The following EDA variants were observed in gnomAD, a reference collection of about 807,000 sequenced individuals.
EDA encodes ectodysplasin A.
EDA carries 2 observed loss-of-function variants against 23.6 expected under a neutral mutation model. The observed-to-expected ratio is 0.08, with a 90% CI of 0.03 to 0.27. The LOEUF is 0.27. Among genes scored for constraint, EDA ranks in the 10% least tolerant of loss-of-function variants. EDA has a pLI of 1.00. For missense variants in EDA, 229 were observed against 324.2 expected (o/e 0.71, Z 2.26); for synonymous variants, 131 against 132.0 (o/e 0.99, Z 0.05).
At chrX:69,822,649 A>C (rs1333750606) in intron 1 of EDA, among the ~76,000 whole-genome samples, 1 of 111,765 alleles carries the variant, frequency 8.9e-6, no homozygotes, top group Non-Finnish European at 1.9e-5. Context: ...GGAAGATTAG[A>C]CTAAATAAGT....
intron 2 of EDA, among the ~76,000 whole-genome samples, chrX:70,004,560 T>G (rs1196959506): frequency 8.9e-6 from 1 of 112,291 alleles, no homozygotes; most frequent in African/African-American, 3.2e-5. Context: ...TATTTGCACA[T>G]TTCCTCTGTT....
chrX:69,994,740 C>T (rs931411091), intron 2 of EDA, among the ~76,000 whole-genome samples: 1 of 111,848 alleles, frequency 8.9e-6, no homozygotes, highest in African/African-American at 3.2e-5. Flanking sequence ...ACTCCTATTC[C>T]GCCTAGGTCA....
intron 2 of EDA, among the ~76,000 whole-genome samples, chrX:69,994,305 T>C (rs2019627340): frequency 8.9e-6 from 1 of 112,019 alleles, no homozygotes; most frequent in Non-Finnish European, 1.9e-5. Context: ...TTAAATAAAA[T>C]AACAATTGCA....
intron 1 of EDA, among the ~76,000 whole-genome samples, chrX:69,924,840 A>G (rs1455471462): frequency 9.0e-6 from 1 of 111,016 alleles, no homozygotes; most frequent in Admixed American, 9.6e-5. Context: ...GTGGTTTGTA[A>G]CAAGTTCTTC....
At chrX:69,695,512 CTTT>C (rs34298428) in intron 1 of EDA, among the ~76,000 whole-genome samples, 3 of 88,860 alleles carry the variant, frequency 3.4e-5, no homozygotes, top group Admixed American at 1.3e-4. Flanking sequence ...TTCCTTCTTT[CTTT>C]TTTTTTTTTT....
rs1029029466 is a variant in EDA, at chrX:69,834,838, G to T, written c.397-122189G>T. The stretch of plus-strand genomic sequence containing the variant: ...GGTCTTTACAATTTGGCATGTTTTT[G>T]CAGTGGCTGGTACCAGTTGTTCCTT... On this transcript the variant is annotated intron_variant, in intron 1 of 7. Coordinates refer to ENST00000374552, the MANE Select transcript of EDA (RefSeq NM_001399.5). 5.4e-5 allele frequency among the ~76,000 whole-genome samples: 6 copies of T among 111,610 alleles called. No individual in the cohort carries two copies. The East Asian group carries it at 1.7e-3, about 31-fold the overall frequency.
At chrX:69,710,157 T>C (rs935668623) in intron 1 of EDA, among the ~76,000 whole-genome samples, 2 of 110,827 alleles carry the variant, frequency 1.8e-5, no homozygotes, top group African/African-American at 6.5e-5. Context: ...TTAATCCATC[T>C]TGAATTGATT....
At chrX:69,838,065 C>T (rs1027897643) in intron 1 of EDA, among the ~76,000 whole-genome samples, 2 of 112,296 alleles carry the variant, frequency 1.8e-5, no homozygotes, top group African/African-American at 3.2e-5. Flanking sequence ...TCACTTTTGG[C>T]AGCCACAATC....
chrX:69,961,025 G>T (rs72628843), intron 2 of EDA, among the ~76,000 whole-genome samples: 5 of 84,069 alleles, frequency 5.9e-5, no homozygotes, highest in African/African-American at 2.2e-4. Context: ...TCCAAAAAAA[G>T]AAAAAAAAAG....
At chrX:69,737,728 A>G (rs926946452) in intron 1 of EDA, among the ~76,000 whole-genome samples, 1 of 112,059 alleles carries the variant, frequency 8.9e-6, no homozygotes, top group African/African-American at 3.2e-5. Context: ...GAAGAGCTTA[A>G]TTTAAAATTT....
At chrX:69,684,188 C>G (rs1934469977) in intron 1 of EDA, among the ~76,000 whole-genome samples, 1 of 111,819 alleles carries the variant, frequency 8.9e-6, no homozygotes, top group African/African-American at 3.2e-5. Context: ...TCATGATTAT[C>G]ATATTTCCTC....
intron 1 of EDA, among the ~76,000 whole-genome samples, chrX:69,676,486 G>GTA (rs1242789721): frequency 9.2e-6 from 1 of 108,268 alleles, no homozygotes; most frequent in Admixed American, 9.7e-5. Context: ...GAGTTTTTCT[G>GTA]TGTGTGTGTG....
intron 1 of EDA, among the ~76,000 whole-genome samples, chrX:69,774,092 C>G (rs761849423): frequency 1.8e-5 from 2 of 111,993 alleles, no homozygotes; most frequent in East Asian, 5.6e-4. Flanking sequence ...GCACTCTACT[C>G]AATGCCTAGT....
intron 1 of EDA, among the ~76,000 whole-genome samples, chrX:69,863,529 GTGTATATATA>G (rs2017426410): frequency 3.2e-5 from 1 of 31,496 alleles, no homozygotes; most frequent in Non-Finnish European, 1.1e-4. Flanking sequence ...ATATATGTGT[GTGTATATATA>G]TATATACATA....
intron 1 of EDA, among the ~76,000 whole-genome samples, chrX:69,798,241 G>A (rs951874210): frequency 1.4e-4 from 16 of 110,406 alleles, no homozygotes; most frequent in African/African-American, 3.3e-4. Context: ...TTCCACTCTC[G>A]GTATTAGACA....
At chrX:69,753,937 C>T (rs1288772717) in intron 1 of EDA, among the ~76,000 whole-genome samples, 1 of 110,256 alleles carries the variant, frequency 9.1e-6, no homozygotes, top group Non-Finnish European at 1.9e-5. Flanking sequence ...TATCTTCCTC[C>T]ATCCCTTTAT....
intron 1 of EDA, among the ~76,000 whole-genome samples, chrX:69,948,213 T>C (rs1375438936): frequency 8.9e-6 from 1 of 112,569 alleles, no homozygotes; most frequent in Admixed American, 9.4e-5. Flanking sequence ...TGCCATTCCA[T>C]GGTAATCTTC....
chrX:69,726,843 G>A (rs2012824195), intron 1 of EDA, among the ~76,000 whole-genome samples: 2 of 112,270 alleles, frequency 1.8e-5, no homozygotes, highest in Non-Finnish European at 3.8e-5. Flanking sequence ...AAGCCTGGGC[G>A]AGTGCTTTTG....
At chrX:69,744,961 A>T (rs2013572602) in intron 1 of EDA, among the ~76,000 whole-genome samples, 1 of 111,673 alleles carries the variant, frequency 9.0e-6, no homozygotes, top group Admixed American at 9.5e-5. Flanking sequence ...AGTCACGTCC[A>T]GGTAGCATCA....
Sources: allele counts gnomAD v4.1 joint callset (sites outside exome capture counted in the v4.1 genomes callset), GRCh38; gene constraint gnomAD v4.1.1; transcripts MANE v1.5; gene names NCBI Gene and HGNC (gene_info 2026-07-23, HGNC 2026-07-21).